ADAMTS6: variants seen among roughly 807,000 people sequenced by gnomAD.
ADAMTS6 encodes ADAM metallopeptidase with thrombospondin type 1 motif 6.
Under a neutral mutation model 144.3 loss-of-function variants are expected in ADAMTS6, and 23 were observed. That is an observed-to-expected ratio of 0.16 (90% confidence interval 0.11 to 0.23). The LOEUF is 0.23. ADAMTS6 is among the 10% of genes least tolerant of loss of function. The pLI is 1.00. For synonymous variants in ADAMTS6, 444 were observed against 457.5 expected (o/e 0.97, Z 0.38); for missense variants, 999 against 1,379.6 (o/e 0.72, Z 4.37).
At chr5:65,224,044 C>T (rs1757532511) in intron 18 of ADAMTS6, among the ~76,000 whole-genome samples, 1 of 152,142 alleles carries the variant, frequency 6.6e-6, no homozygotes, top group Non-Finnish European at 1.5e-5. Flanking sequence ...TTGTGATCCA[C>T]CCGCCTCGGC....
intron 24 of ADAMTS6, among the ~76,000 whole-genome samples, chr5:65,160,342 T>C (rs552908417): frequency 5.3e-5 from 8 of 151,438 alleles, no homozygotes; most frequent in African/African-American, 1.2e-4. Flanking sequence ...AGTCTCGCTC[T>C]GTCGCCCAGG....
At chr5:65,256,272 C>A (rs1344706164) in intron 14 of ADAMTS6, 3 of 152,162 alleles carry the variant, frequency 2.0e-5, no homozygotes, top group African/African-American at 7.2e-5. Context: ...GGACAGTGCA[C>A]ACATACAATA....
chr5:65,351,723 T>C (rs1479379378), intron 7 of ADAMTS6, among the ~76,000 whole-genome samples: 1 of 152,056 alleles, frequency 6.6e-6, no homozygotes, highest in African/African-American at 2.4e-5. Context: ...TTGAAGCCCC[T>C]GTGTGCTATA....
intron 22 of ADAMTS6, among the ~76,000 whole-genome samples, chr5:65,179,186 G>T: frequency 6.6e-6 from 1 of 152,176 alleles, no homozygotes; most frequent in East Asian, 1.9e-4. Flanking sequence ...ACTGAGGACT[G>T]TTTCCAGTGT....
chr5:65,379,352 A>G (rs1751833994), intron 7 of ADAMTS6, among the ~76,000 whole-genome samples: 1 of 152,232 alleles, frequency 6.6e-6, no homozygotes, highest in African/African-American at 2.4e-5. Flanking sequence ...GTAAAGAGAT[A>G]CATGAAAGTT....
At chr5:65,444,694 T>G (rs560416007) in intron 7 of ADAMTS6, among the ~76,000 whole-genome samples, 1 of 152,286 alleles carries the variant, frequency 6.6e-6, no homozygotes, top group Admixed American at 6.5e-5. Flanking sequence ...CATAAAGTCA[T>G]GAATATCAGG....
chr5:65,278,730 T>C (rs1762755078), intron 11 of ADAMTS6, among the ~76,000 whole-genome samples: 1 of 152,218 alleles, frequency 6.6e-6, no homozygotes, highest in Non-Finnish European at 1.5e-5. Context: ...CATACATCCA[T>C]TAGCAGTTAA....
At chr5:65,346,468 A>G (rs1325672241) in intron 7 of ADAMTS6, among the ~76,000 whole-genome samples, 2 of 151,776 alleles carry the variant, frequency 1.3e-5, no homozygotes, top group African/African-American at 2.4e-5. Flanking sequence ...GGTATAAAAG[A>G]AATGTATCTC....
chr5:65,374,562 A>C (rs1447491004), intron 7 of ADAMTS6, among the ~76,000 whole-genome samples: 2 of 151,894 alleles, frequency 1.3e-5, no homozygotes, highest in Admixed American at 1.3e-4. Context: ...GGGATGTGAA[A>C]GACCTCTTCA....
chr5:65,475,667 G>A (rs1760798576), intron 1 of ADAMTS6, among the ~76,000 whole-genome samples: 1 of 152,028 alleles, frequency 6.6e-6, no homozygotes, highest in South Asian at 2.1e-4. Flanking sequence ...ATTGCTGGAG[G>A]TAATCATTAC....
chr5:65,343,770 T>C (rs72760547), intron 7 of ADAMTS6, among the ~76,000 whole-genome samples: 3,511 of 152,030 alleles, frequency 0.023, 53 homozygotes, highest in South Asian at 0.038. Flanking sequence ...ACCTACACAA[T>C]GGGAGAAAAT....
intron 18 of ADAMTS6, 21 bp downstream of exon 18, chr5:65,224,299 T>C (rs1334593321): frequency 6.2e-7 from 1 of 1,603,768 alleles, no homozygotes; most frequent in Non-Finnish European, 8.5e-7. Flanking sequence ...TCCAGCAAAC[T>C]AGCATACCAG....
chr5:65,342,338 A>T (rs1032101982), intron 7 of ADAMTS6, among the ~76,000 whole-genome samples: 1 of 152,146 alleles, frequency 6.6e-6, no homozygotes, highest in Non-Finnish European at 1.5e-5. Context: ...GTGGCAGACA[A>T]GAGAAGAAGG....
At chr5:65,325,559 G>A (rs981531344) in intron 9 of ADAMTS6, among the ~76,000 whole-genome samples, 13 of 150,396 alleles carry the variant, frequency 8.6e-5, no homozygotes, top group Admixed American at 6.7e-4. Flanking sequence ...GCATGATCAC[G>A]ATCATGGTTC....
In ADAMTS6 at chr5:65,153,237, C is replaced by A. The variant is rs536258815; in HGVS notation, c.3245-1292G>T. Among the ~76,000 whole-genome samples, 41 of 152,278 alleles carry A rather than the reference C, an allele frequency of 2.7e-4. 1 individual carries two copies. The highest frequency in any genetic ancestry group is 1.0e-3 in the Admixed American group (16 of 15,292). ...TCTTAAAATTTGAAACTGGAACTCC[C>A]AAATCCACTGAAAACATCTCTGCCA... On this transcript the variant is annotated intron_variant, in intron 24 of 24. Transcript: ENST00000381055.
intron 7 of ADAMTS6, among the ~76,000 whole-genome samples, chr5:65,384,154 C>G (rs1752291816): frequency 6.6e-6 from 1 of 152,200 alleles, no homozygotes; most frequent in Non-Finnish European, 1.5e-5. Context: ...TCATTCTATC[C>G]ATACTAATCT....
At chr5:65,305,309 C>A (rs879328179) in intron 9 of ADAMTS6, among the ~76,000 whole-genome samples, 5 of 152,070 alleles carry the variant, frequency 3.3e-5, no homozygotes, top group Non-Finnish European at 7.4e-5. Context: ...TGCAAAACAA[C>A]CTGCAATATT....
At chr5:65,290,747 C>CA (rs1561384468) in intron 11 of ADAMTS6, among the ~76,000 whole-genome samples, 1 of 152,018 alleles carries the variant, frequency 6.6e-6, no homozygotes, top group African/African-American at 2.4e-5. Flanking sequence ...CTGATGTAGA[C>CA]ACTGTGACTT....
chr5:65,475,040 TAGAA>T (rs918937056), intron 1 of ADAMTS6, among the ~76,000 whole-genome samples: 1 of 152,046 alleles, frequency 6.6e-6, no homozygotes, highest in Non-Finnish European at 1.5e-5. Context: ...CAAAAGAGAT[TAGAA>T]AGATTTTCAT....
Sources: allele counts gnomAD v4.1 joint callset (sites outside exome capture counted in the v4.1 genomes callset), GRCh38; gene constraint gnomAD v4.1.1; transcripts MANE v1.5; gene names NCBI Gene and HGNC (gene_info 2026-07-23, HGNC 2026-07-21).